The following NXPH1 variants were observed in gnomAD, a reference collection of about 807,000 sequenced individuals.
NXPH1 encodes neurexophilin-1.
Under a neutral mutation model 23.7 loss-of-function variants are expected in NXPH1, and 5 were observed. The observed-to-expected ratio is 0.21, with a 90% CI of 0.11 to 0.44. The LOEUF (loss-of-function observed/expected upper bound fraction) is 0.44. Ranked by LOEUF, NXPH1 falls within the 20% of genes least tolerant of loss-of-function variation. The pLI is 0.99. For missense variants in NXPH1, 324 were observed against 321.6 expected, an observed-to-expected ratio of 1.01 and a Z score of -0.06; for synonymous variants, 144 against 122.2, an observed-to-expected ratio of 1.18 and a Z score of -1.18.
intron 2 of NXPH1, among the ~76,000 whole-genome samples, chr7:8,653,617 G>A (rs1343899291): frequency 1.3e-5 from 2 of 152,138 alleles, no homozygotes; most frequent in South Asian, 2.1e-4. Flanking sequence ...TTCAAAGAAG[G>A]ATAGTCTATA....
rs560119091 is a variant in NXPH1 at position 8,751,926 on chromosome 7, T to C, written c.*157T>C. ...AATACACTAGTGGAAAACACTCTGATGTAATTTCTGCCCAGTCAGCTTCAT... is the reference window on the plus strand; with the variant it reads ...AATACACTAGTGGAAAACACTCTGACGTAATTTCTGCCCAGTCAGCTTCAT... On this transcript the variant is annotated 3_prime_UTR_variant, in exon 3 of 3. Coordinates refer to ENST00000405863, the MANE Select transcript of NXPH1 (RefSeq NM_152745.3). This position sits in a 1 kb window ranked among gnomAD's most constrained non-coding sequence, Gnocchi z 4.5. 5 of 664,030 alleles carry C rather than the reference T, an allele frequency of 7.5e-6. No individual in the cohort carries two copies. The highest frequency in any genetic ancestry group is 1.2e-5 in the Non-Finnish European group (5 of 402,476). 41.1% of individuals were successfully genotyped at this position (664,030 alleles called of 1,614,324 possible).
At chr7:8,519,364 C>T (rs1419232380) in intron 2 of NXPH1, among the ~76,000 whole-genome samples, 2 of 152,150 alleles carry the variant, frequency 1.3e-5, no homozygotes, top group African/African-American at 4.8e-5. Flanking sequence ...ATATATTCTG[C>T]AATTCACTTG....
chr7:8,579,776 G>C (rs913895688), intron 2 of NXPH1, among the ~76,000 whole-genome samples: 4 of 152,252 alleles, frequency 2.6e-5, no homozygotes, highest in South Asian at 2.1e-4. Flanking sequence ...AAGCATCTTT[G>C]GCAGTGTTGC....
At chr7:8,639,786 G>T (rs1392486391) in intron 2 of NXPH1, among the ~76,000 whole-genome samples, 4 of 152,114 alleles carry the variant, frequency 2.6e-5, no homozygotes, top group African/African-American at 9.7e-5. Flanking sequence ...TTTATCAGGG[G>T]TTTCCACTTT....
chr7:8,625,885 T>A (rs905242364), intron 2 of NXPH1, among the ~76,000 whole-genome samples: 1 of 152,152 alleles, frequency 6.6e-6, no homozygotes, highest in Admixed American at 6.6e-5. Flanking sequence ...AATGGCATAA[T>A]GGGAAGTTTC....
At chr7:8,708,613 C>G (rs1378784056) in intron 2 of NXPH1, among the ~76,000 whole-genome samples, 1 of 151,696 alleles carries the variant, frequency 6.6e-6, no homozygotes, top group South Asian at 2.1e-4. Flanking sequence ...TTGCCTGCCT[C>G]GGCCTCCCAA....
At chr7:8,724,394 G>A (rs1322825924) in intron 2 of NXPH1, among the ~76,000 whole-genome samples, 1 of 152,176 alleles carries the variant, frequency 6.6e-6, no homozygotes, top group Non-Finnish European at 1.5e-5. Flanking sequence ...CATACTAGGA[G>A]AGGAAAGTCT....
chr7:8,595,043 G>A (rs1279956984), intron 2 of NXPH1, among the ~76,000 whole-genome samples: 1 of 151,894 alleles, frequency 6.6e-6, no homozygotes, highest in African/African-American at 2.4e-5. Context: ...TACACTAAGT[G>A]GAATCTCAAG....
intron 2 of NXPH1, among the ~76,000 whole-genome samples, chr7:8,719,569 G>T (rs568167142): frequency 2.0e-5 from 3 of 152,234 alleles, no homozygotes; most frequent in East Asian, 3.9e-4. Context: ...ATTATATTTG[G>T]TGGATAACCA....
At chr7:8,607,406 T>C (rs1819519077) in intron 2 of NXPH1, among the ~76,000 whole-genome samples, 1 of 152,102 alleles carries the variant, frequency 6.6e-6, no homozygotes, top group Non-Finnish European at 1.5e-5. Context: ...TAGTGGCAAA[T>C]AAAAAAGTCA....
At chr7:8,726,841 G>T (rs976737610) in intron 2 of NXPH1, among the ~76,000 whole-genome samples, 2 of 151,824 alleles carry the variant, frequency 1.3e-5, no homozygotes, top group Admixed American at 6.6e-5. Context: ...AGTCCTTTGG[G>T]TATATACCCA....
Position 8,515,938 on chromosome 7 carries a change from C to T in NXPH1, c.54+80171C>T, listed in dbSNP as rs1438587590. Among the ~76,000 whole-genome samples, 6 of 152,222 alleles carry T rather than the reference C, an allele frequency of 3.9e-5. No homozygotes were observed. In the East Asian group the frequency reaches 9.7e-4, roughly 25 times the overall value. On this transcript the variant is annotated intron_variant, in intron 2 of 2. Coordinates refer to ENST00000405863, the MANE Select transcript of NXPH1 (RefSeq NM_152745.3). The stretch of plus-strand genomic sequence containing the variant: ...ATCTTCCCTTCTTCTGTTCTTACCA[C>T]CTCATGTTCCCGCAGCCTCTCACAC...
At chr7:8,670,626 T>A (rs76420318) in intron 2 of NXPH1, among the ~76,000 whole-genome samples, 2,705 of 152,344 alleles carry the variant, frequency 0.018, 82 homozygotes, top group African/African-American at 0.061. Context: ...ATAACTTCTA[T>A]TAGCATCACC....
At chr7:8,718,875 C>T (rs952093042) in intron 2 of NXPH1, among the ~76,000 whole-genome samples, 3 of 152,120 alleles carry the variant, frequency 2.0e-5, no homozygotes, top group Admixed American at 6.6e-5. Flanking sequence ...TATTAGGTGC[C>T]GGCCATCTAC....
At chr7:8,609,460 CTGGTAT>C (rs1819570899) in intron 2 of NXPH1, among the ~76,000 whole-genome samples, 1 of 152,094 alleles carries the variant, frequency 6.6e-6, no homozygotes, top group Non-Finnish European at 1.5e-5. Flanking sequence ...TATCAAGAAG[CTGGTAT>C]TATGCAAATG....
chr7:8,480,539 C>T (rs1209091777), intron 2 of NXPH1, among the ~76,000 whole-genome samples: 1 of 152,128 alleles, frequency 6.6e-6, no homozygotes, highest in Non-Finnish European at 1.5e-5. Context: ...GGCTCGTTGT[C>T]ACCAGTGAGA....
intron 2 of NXPH1, among the ~76,000 whole-genome samples, chr7:8,695,838 T>A (rs950642297): frequency 6.6e-6 from 1 of 152,228 alleles, no homozygotes; most frequent in Non-Finnish European, 1.5e-5. Context: ...ATTTTCTAAC[T>A]GAGATTAAAC....
chr7:8,703,404 A>G (rs1779657602), intron 2 of NXPH1, among the ~76,000 whole-genome samples: 1 of 152,068 alleles, frequency 6.6e-6, no homozygotes, highest in Admixed American at 6.6e-5. Context: ...CTATTGAAAT[A>G]CCTGGTTTGG....
rs576308596 is a variant in NXPH1, at chr7:8,458,951, C to A, written c.54+23184C>A. Reference sequence around the variant, plus strand: ...TGAGGTTAAGAAGGAGCAAATGACACATTCCATTCCTTAAACTAAATTTAT... The same window carrying A: ...TGAGGTTAAGAAGGAGCAAATGACAAATTCCATTCCTTAAACTAAATTTAT... On this transcript the variant is annotated intron_variant, in intron 2 of 2. Coordinates refer to ENST00000405863, the MANE Select transcript of NXPH1 (RefSeq NM_152745.3). Among the ~76,000 whole-genome samples the A allele has an allele frequency of 1.6e-4, 25 of 152,272 alleles. No individual in the cohort carries two copies. In the South Asian group the frequency reaches 5.0e-3, roughly 30 times the overall value.
Sources: gnomAD v4.1 joint callset for allele counts (sites outside exome capture counted in the v4.1 genomes callset) on GRCh38, gnomAD v4.1.1 for gene constraint, Gnocchi (gnomAD v3.1) non-coding constraint, MANE v1.5 for transcripts, NCBI Gene and HGNC (gene_info 2026-07-23, HGNC 2026-07-21) for gene names.